Variants in GALNT11 observed in about 807,000 individuals in gnomAD.
GALNT11 encodes the protein polypeptide N-acetylgalactosaminyltransferase 11, also known as UDP-GalNAc:polypeptide N-acetylgalactosaminyltransferase 11.
GALNT11 carries 47 observed loss-of-function variants against 72.7 expected under a neutral mutation model. That is an observed-to-expected ratio of 0.65 (90% confidence interval 0.51 to 0.82). The LOEUF (loss-of-function observed/expected upper bound fraction) is 0.82, where lower values mean the gene tolerates loss of function less well. GALNT11 is among the 40% of genes least tolerant of loss of function. GALNT11 has a pLI of 0.00. For missense variants in GALNT11, 677 were observed against 778.4 expected (o/e 0.87, Z 1.55); for synonymous variants, 270 against 286.6 (o/e 0.94, Z 0.58).
At position 152,113,290 on chromosome 7, in the gene GALNT11, A is replaced by G; in HGVS notation, c.1125A>G (p.Arg375=). The G allele has an allele frequency of 6.2e-7, 1 of 1,614,102 alleles. No homozygotes were observed. The highest frequency in any genetic ancestry group is 8.5e-7 in the Non-Finnish European group (1 of 1,180,000). The change falls in exon 8 of 12, where the codon AGA becomes AGG. Residue 375 remains arginine (R), a synonymous_variant. Coordinates refer to ENST00000430044, the MANE Select transcript of GALNT11 (RefSeq NM_022087.4). ...AGCTCTTCATCATCCCTTGCTCTAG[A>G]GTAGGACACATTTTCCGAAAAAGGC... ...GGKLFIIPCS[R]VGHIFRKRRP...
chr7:152,042,907 G>A (rs960714157), intron 1 of GALNT11, among the ~76,000 whole-genome samples: 2 of 152,164 alleles, frequency 1.3e-5, no homozygotes, highest in East Asian at 1.9e-4. Flanking sequence ...AATTGGCCAC[G>A]CAGACGGCCA....
At chr7:152,082,003 T>G (rs561517901) in intron 1 of GALNT11, among the ~76,000 whole-genome samples, 1 of 152,310 alleles carries the variant, frequency 6.6e-6, no homozygotes, top group Non-Finnish European at 1.5e-5. Flanking sequence ...TAATGGACAA[T>G]GGGATTTATT....
At chr7:152,086,316 C>T (rs557408181) in intron 1 of GALNT11, among the ~76,000 whole-genome samples, 14 of 152,296 alleles carry the variant, frequency 9.2e-5, no homozygotes, top group South Asian at 6.2e-4. Context: ...AGAGCCACCG[C>T]GCCCAGCCCT....
rs2086219841 is a variant in GALNT11 at position 152,094,106 on chromosome 7, G to A, written c.-38-84G>A. 5.4e-6 allele frequency: 6 copies of A among 1,111,394 alleles called. No individual in the cohort carries two copies. Among genetic ancestry groups the A allele is most frequent in the Non-Finnish European group, 7.8e-6 (6 of 772,790 alleles). 68.8% of individuals were successfully genotyped at this position (1,111,394 alleles called of 1,614,324 possible). On this transcript the variant is annotated intron_variant, in intron 1 of 11. Coordinates refer to ENST00000430044, the MANE Select transcript of GALNT11 (RefSeq NM_022087.4). This position sits in a 1 kb window ranked among gnomAD's most constrained non-coding sequence, Gnocchi z 4.3. Reference sequence around the variant, plus strand: ...ACTGTACGCATAGTGGTCCTACTTGGTGGTTTGGAAAACAGTGATTCTGTA... The same window carrying A: ...ACTGTACGCATAGTGGTCCTACTTGATGGTTTGGAAAACAGTGATTCTGTA...
intron 2 of GALNT11, among the ~76,000 whole-genome samples, chr7:152,099,991 C>T (rs1316286592): frequency 7.0e-6 from 1 of 142,824 alleles, no homozygotes; most frequent in African/African-American, 2.6e-5. Flanking sequence ...CAAGGTCTCG[C>T]TGTGTTGCCC....
At chr7:152,088,000 A>G (rs536606205) in intron 1 of GALNT11, among the ~76,000 whole-genome samples, 1 of 152,332 alleles carries the variant, frequency 6.6e-6, no homozygotes, top group East Asian at 1.9e-4. Context: ...TTGATTCCCA[A>G]ATCTGGCTGT....
chr7:152,077,232 A>G (rs1001699422), intron 1 of GALNT11, among the ~76,000 whole-genome samples: 3 of 152,232 alleles, frequency 2.0e-5, no homozygotes, highest in African/African-American at 7.2e-5. Flanking sequence ...TGAGTAACCT[A>G]GTTAAAGCCA....
chr7:152,051,924 CTA>C (rs2083425896), intron 1 of GALNT11, among the ~76,000 whole-genome samples: 1 of 152,126 alleles, frequency 6.6e-6, no homozygotes, highest in Admixed American at 6.5e-5. Context: ...ATCATTTTAA[CTA>C]TTTTTAACTG....
intron 1 of GALNT11, among the ~76,000 whole-genome samples, chr7:152,052,603 CTT>C (rs1159707256): frequency 6.6e-6 from 1 of 152,160 alleles, no homozygotes; most frequent in African/African-American, 2.4e-5. Flanking sequence ...CTCTATAAAT[CTT>C]TGTGGCACCT....
At chr7:152,067,839 G>A (rs2084397324) in intron 1 of GALNT11, among the ~76,000 whole-genome samples, 2 of 152,162 alleles carry the variant, frequency 1.3e-5, no homozygotes, top group Non-Finnish European at 2.9e-5. Context: ...GGCTTTACGG[G>A]AAGCATGGTG....
intron 1 of GALNT11, among the ~76,000 whole-genome samples, chr7:152,031,531 C>A (rs1319598895): frequency 1.3e-5 from 2 of 152,164 alleles, no homozygotes; most frequent in Non-Finnish European, 2.9e-5. Context: ...ACAGTGAGAT[C>A]CTTTCCTTGT....
intron 1 of GALNT11, among the ~76,000 whole-genome samples, chr7:152,085,579 A>ATTAT (rs35501405): frequency 0.16 from 24,221 of 151,976 alleles, 4,670 homozygotes; most frequent in African/African-American, 0.46. Flanking sequence ...TACTAGATTC[A>ATTAT]TCATTCATTA....
At position 152,094,155 on chromosome 7, in the gene GALNT11, C is replaced by T. The variant is rs1563067505; in HGVS notation, c.-38-35C>T. 3 of 1,488,490 alleles carry T rather than the reference C, an allele frequency of 2.0e-6. No homozygotes were observed. In the East Asian group the frequency reaches 6.8e-5, roughly 34 times the overall value. The allele number at this position is 1,488,490 out of a possible 1,614,324, so 92.2% of individuals were successfully genotyped here. A position where few individuals can be genotyped will look rare whatever the true frequency, so the allele number is the denominator to read the frequency against. On this transcript the variant is annotated intron_variant, in intron 1 of 11. Transcript: ENST00000430044. This position sits in a 1 kb window ranked among gnomAD's most constrained non-coding sequence, Gnocchi z 4.3. ...TATTTGGTGGATGGTTTAAAGTATACTGAAGTGTCTAACATATTTATTCTT... is the reference window on the plus strand; with the variant it reads ...TATTTGGTGGATGGTTTAAAGTATATTGAAGTGTCTAACATATTTATTCTT...
chr7:152,046,044 A>G (rs1040179723), intron 1 of GALNT11, among the ~76,000 whole-genome samples: 5 of 152,006 alleles, frequency 3.3e-5, no homozygotes, highest in African/African-American at 9.7e-5. Context: ...GTCTTTATTG[A>G]CCCACTGGTC....
rs188464320 is a variant in GALNT11 at position 152,076,109 on chromosome 7, C to T, written c.-38-18081C>T. On this transcript the variant is annotated intron_variant, in intron 1 of 11. Transcript: ENST00000430044. Reference sequence around the variant, plus strand: ...AAAAAAAGAAGAAGAGAGAAAAGTTCATCGCTTTTTTAATGTTCTGTTCCT... The same window carrying T: ...AAAAAAAGAAGAAGAGAGAAAAGTTTATCGCTTTTTTAATGTTCTGTTCCT... 8.3e-4 allele frequency among the ~76,000 whole-genome samples: 118 copies of T among 142,988 alleles called. 1 individual carries two copies. Among genetic ancestry groups the T allele is most frequent in the African/African-American group, 2.9e-3 (112 of 39,068 alleles). The allele number at this position is 142,988 out of a possible 152,430, so 93.8% of individuals were successfully genotyped here.
intron 2 of GALNT11, among the ~76,000 whole-genome samples, chr7:152,099,608 G>A (rs1368482124): frequency 5.0e-5 from 6 of 120,176 alleles, no homozygotes; most frequent in Non-Finnish European, 9.6e-5. Context: ...GGCTGATCTT[G>A]AACTCCTGAC....
intron 8 of GALNT11, 104 bp from the exon 9 acceptor site, chr7:152,117,053 C>A: frequency 1.0e-6 from 1 of 965,024 alleles, no homozygotes; most frequent in Non-Finnish European, 1.6e-6. Context: ...ATGTTATTAT[C>A]ATTGTTAGTA....
intron 5 of GALNT11, 69 bp from the exon 6 acceptor site, chr7:152,107,969 T>C (rs1170440867): frequency 2.0e-6 from 3 of 1,538,042 alleles, no homozygotes; most frequent in Non-Finnish European, 2.6e-6. Context: ...CGTCATCCCA[T>C]TGGACGGGTG....
chr7:152,118,029 A>G (rs2089050823), intron 9 of GALNT11: 1 of 152,598 alleles, frequency 6.6e-6, no homozygotes, highest in African/African-American at 2.4e-5. Context: ...TCTTTTATGA[A>G]GAAGGCACTT....
Sources: allele counts gnomAD v4.1 joint callset (sites outside exome capture counted in the v4.1 genomes callset), GRCh38; gene constraint gnomAD v4.1.1; non-coding constraint Gnocchi (gnomAD v3.1); transcripts MANE v1.5; gene names NCBI Gene and HGNC (gene_info 2026-07-23, HGNC 2026-07-21).